The following SLC17A6 variants were observed in gnomAD, a reference collection of about 807,000 sequenced individuals.
SLC17A6 encodes the protein vesicular glutamate transporter 2.
Under a neutral mutation model 67.1 loss-of-function variants are expected in SLC17A6, and 35 were observed. The ratio of observed to expected loss-of-function variants is 0.52; its 90% CI spans 0.40 to 0.69. The LOEUF is 0.69. SLC17A6 is among the 30% of genes least tolerant of loss of function. The pLI is 0.00. For synonymous variants in SLC17A6, 285 were observed against 252.3 expected, an observed-to-expected ratio of 1.13 and a Z score of -1.23; for missense variants, 588 against 723.9, an observed-to-expected ratio of 0.81 and a Z score of 2.15.
intron 5 of SLC17A6, chr11:22,361,195 G>A: frequency 2.2e-6 from 1 of 457,494 alleles, no homozygotes. Context: ...ATTTTTCTAG[G>A]AATTGATCCA....
chr11:22,360,935 A>G lies in SLC17A6; in HGVS notation c.612A>G (p.Lys204=), dbSNP rs936749151. 1 of 1,614,000 alleles carries G rather than the reference A, an allele frequency of 6.2e-7. No individual in the cohort carries two copies. Among genetic ancestry groups the G allele is most frequent in the Admixed American group, 1.7e-5 (1 of 60,026 alleles). Residue 204 remains lysine, a synonymous_variant, in exon 5 of 12, where the codon AAA becomes AAG. Coordinates refer to ENST00000263160, the MANE Select transcript of SLC17A6 (RefSeq NM_020346.3). ...CAGCATGTCATGGGATATGGAGCAA[A>G]TGGGCCCCACCTCTAGAGAGGAGTA... ...TYPACHGIWS[K]WAPPLERSRL...
chr11:22,340,269 C>A (rs1292172165), intron 1 of SLC17A6, among the ~76,000 whole-genome samples: 1 of 152,192 alleles, frequency 6.6e-6, no homozygotes, highest in Non-Finnish European at 1.5e-5. Context: ...AACGGAAAGG[C>A]TCTTTGTTTA....
At chr11:22,366,714 G>A (rs970087702) in intron 7 of SLC17A6, among the ~76,000 whole-genome samples, 5 of 152,112 alleles carry the variant, frequency 3.3e-5, no homozygotes, top group Non-Finnish European at 5.9e-5. Flanking sequence ...AAAGGTGGCT[G>A]GGCGTCGTGG....
At chr11:22,351,677 A>G (rs1460923727) in intron 3 of SLC17A6, among the ~76,000 whole-genome samples, 2 of 152,114 alleles carry the variant, frequency 1.3e-5, no homozygotes, top group African/African-American at 2.4e-5. Context: ...AAATCACTAT[A>G]TTATTTAGTG....
In SLC17A6 at chr11:22,378,420, T is replaced by C. The variant is rs555051419; in HGVS notation, c.*680T>C. The C allele has an allele frequency of 2.0e-5, 3 of 152,728 alleles. No homozygotes were observed. The highest frequency in any genetic ancestry group is 4.1e-4 in the South Asian group (2 of 4,830). The allele number at this position is 152,728 out of a possible 1,614,324, so 9.5% of individuals were successfully genotyped here. On this transcript the variant is annotated 3_prime_UTR_variant, in exon 12 of 12. Transcript: ENST00000263160. Reference sequence around the variant, plus strand: ...CATGTTCTTCCATCCATTTACCTAATAGTATGAAACAGTTCACATTTCAAT... The same window carrying C: ...CATGTTCTTCCATCCATTTACCTAACAGTATGAAACAGTTCACATTTCAAT...
At chr11:22,366,997 T>A (rs1195979993) in intron 7 of SLC17A6, among the ~76,000 whole-genome samples, 1 of 88,636 alleles carries the variant, frequency 1.1e-5, no homozygotes, top group East Asian at 3.4e-4. Flanking sequence ...CAAACAAGAC[T>A]CCGTCTCGAA....
In SLC17A6 at chr11:22,341,561, A is replaced by G. The variant is rs1447058435; in HGVS notation, c.120A>G (p.Thr40=). 4.3e-6 allele frequency: 7 copies of G among 1,613,884 alleles called. No individual in the cohort carries two copies. The highest frequency in any genetic ancestry group is 5.9e-6 in the Non-Finnish European group (7 of 1,180,038). Reference sequence around the variant, plus strand: ...AGAAGAAGCAAGACACCGGGGAGACAATCGAGCTGACGGAGGATGGGAAGC... The same window carrying G: ...AGAAGAAGCAAGACACCGGGGAGACGATCGAGCTGACGGAGGATGGGAAGC... ...VLEKKQDTGE[T]IELTEDGKPL... is the part of the protein sequence containing the mutation. The change falls in exon 2 of 12, where the codon ACA becomes ACG. Residue 40 remains threonine (T), a synonymous_variant. Transcript: ENST00000263160.
intron 1 of SLC17A6, among the ~76,000 whole-genome samples, chr11:22,341,316 A>ACGC (rs551831838): frequency 2.0e-3 from 311 of 152,188 alleles, no homozygotes; most frequent in African/African-American, 7.2e-3. Context: ...AGTTGAAGAG[A>ACGC]CGCCGCCGCC....
rs186961026 is a variant in SLC17A6 at position 22,366,775 on chromosome 11, C to T, written c.891+1086C>T. ...ATCCCAGCACTTTGGGAGGCCGAGG[C>T]GGGTGGATTGCCTGAGGTCAGGAGT... On this transcript the variant is annotated intron_variant, in intron 7 of 11. Transcript: ENST00000263160. Among the ~76,000 whole-genome samples, 930 of 152,012 alleles carry T rather than the reference C, an allele frequency of 6.1e-3. 8 individuals are homozygous for T. Among genetic ancestry groups the T allele is most frequent in the African/African-American group, 0.021 (871 of 41,468 alleles).
chr11:22,342,064 A>G (rs988085770), intron 2 of SLC17A6, among the ~76,000 whole-genome samples: 7 of 152,250 alleles, frequency 4.6e-5, no homozygotes, highest in South Asian at 2.1e-4. Context: ...GGTGACTAGC[A>G]ATGTCCACTA....
intron 6 of SLC17A6, 77 bp from the exon 7 acceptor site, chr11:22,365,470 T>G: frequency 9.8e-6 from 14 of 1,425,938 alleles, no homozygotes; most frequent in Non-Finnish European, 1.4e-5. Context: ...ATGTTTGTCT[T>G]GAGATGATTG....
At chr11:22,342,053 T>C (rs181414432) in intron 2 of SLC17A6, among the ~76,000 whole-genome samples, 11 of 152,246 alleles carry the variant, frequency 7.2e-5, no homozygotes, top group African/African-American at 2.7e-4. Context: ...TACAAGACGT[T>C]GGTGACTAGC....
chr11:22,345,192 G>A (rs921988899), intron 3 of SLC17A6, among the ~76,000 whole-genome samples: 6 of 151,084 alleles, frequency 4.0e-5, no homozygotes, highest in African/African-American at 1.2e-4. Flanking sequence ...GTCAGTAAAC[G>A]GGTTTTTCCG....
At chr11:22,339,638 G>A (rs985064871) in intron 1 of SLC17A6, among the ~76,000 whole-genome samples, 18 of 152,130 alleles carry the variant, frequency 1.2e-4, no homozygotes, top group Admixed American at 1.1e-3. Flanking sequence ...TTACAAAGGA[G>A]CACTAATTTT....
chr11:22,364,093 A>G (rs1856081724), intron 6 of SLC17A6, among the ~76,000 whole-genome samples: 1 of 152,190 alleles, frequency 6.6e-6, no homozygotes, highest in Non-Finnish European at 1.5e-5. Context: ...AGATAATCTG[A>G]AAATACCATA....
intron 3 of SLC17A6, among the ~76,000 whole-genome samples, chr11:22,357,253 G>T (rs1430254305): frequency 1.3e-5 from 2 of 152,112 alleles, no homozygotes; most frequent in African/African-American, 2.4e-5. Flanking sequence ...CCATGTCTCT[G>T]GGTTGTTAGG....
Position 22,375,978 on chromosome 11 carries a change from G to A in SLC17A6, c.1175-4G>A, listed in dbSNP as rs1350653838. On this transcript the variant is annotated splice_polypyrimidine_tract_variant and splice_region_variant and intron_variant, in intron 9 of 11. Coordinates refer to ENST00000263160, the MANE Select transcript of SLC17A6 (RefSeq NM_020346.3). ...GAAGAATTTCTATGTGTTTGCTTCTGAAGGTTTTGGCATGGAAGCCACACT... is the reference window on the plus strand; with the variant it reads ...GAAGAATTTCTATGTGTTTGCTTCTAAAGGTTTTGGCATGGAAGCCACACT... 1 of 1,595,398 alleles carries A rather than the reference G, an allele frequency of 6.3e-7. No homozygotes were observed. The highest frequency in any genetic ancestry group is 1.7e-5 in the Admixed American group (1 of 58,436).
At chr11:22,355,265 G>A (rs1262525359) in intron 3 of SLC17A6, among the ~76,000 whole-genome samples, 2 of 152,138 alleles carry the variant, frequency 1.3e-5, no homozygotes, top group Admixed American at 6.5e-5. Flanking sequence ...TAGTGATGTC[G>A]TTTTTAAAGA....
intron 5 of SLC17A6, chr11:22,362,342 G>A: frequency 5.9e-6 from 2 of 340,874 alleles, no homozygotes. Flanking sequence ...ACACAAACAT[G>A]AAACTGCACG....
Sources: gnomAD v4.1 joint callset for allele counts (sites outside exome capture counted in the v4.1 genomes callset) on GRCh38, gnomAD v4.1.1 for gene constraint, MANE v1.5 for transcripts, NCBI Gene and HGNC (gene_info 2026-07-23, HGNC 2026-07-21) for gene names.